EYS: variants seen among roughly 807,000 people sequenced by gnomAD.
EYS encodes EGF-like photoreceptor maintenance factor, also known as protein eyes shut homolog.
A neutral mutation model predicts 282.1 loss-of-function variants in EYS; 250 were observed. That is an observed-to-expected ratio of 0.89 (90% confidence interval 0.80 to 0.98). The LOEUF (loss-of-function observed/expected upper bound fraction) is 0.98, where lower values mean the gene tolerates loss of function less well. Among genes scored for constraint, EYS ranks in the 50% least tolerant of loss-of-function variants. The pLI is 0.00. For synonymous variants in EYS, 1,355 were observed against 1,282.9 expected, an observed-to-expected ratio of 1.06 and a Z score of -1.20; for missense variants, 4,016 against 3,709.0, an observed-to-expected ratio of 1.08 and a Z score of -2.15.
chr6:64,724,478 A>G (rs1166878278), intron 22 of EYS, among the ~76,000 whole-genome samples: 2 of 152,218 alleles, frequency 1.3e-5, no homozygotes, highest in Non-Finnish European at 2.9e-5. Context: ...TTAGCCTAAT[A>G]TGTGTTTGAT....
intron 30 of EYS, among the ~76,000 whole-genome samples, chr6:64,283,382 G>T (rs889489267): frequency 3.3e-5 from 5 of 152,078 alleles, no homozygotes; most frequent in African/African-American, 1.2e-4. Flanking sequence ...TTAGTTTGTA[G>T]CCTGTCTTCT....
chr6:63,977,301 A>C (rs923924171), intron 35 of EYS, among the ~76,000 whole-genome samples: 1 of 152,024 alleles, frequency 6.6e-6, no homozygotes, highest in African/African-American at 2.4e-5. Flanking sequence ...TGTCAAGAAC[A>C]TTCCAAATCT....
chr6:65,384,159 C>A (rs1033721290), intron 8 of EYS, among the ~76,000 whole-genome samples: 1 of 151,750 alleles, frequency 6.6e-6, no homozygotes, highest in Non-Finnish European at 1.5e-5. Flanking sequence ...TAGCTTTATA[C>A]TTACTTTATA....
intron 2 of EYS, among the ~76,000 whole-genome samples, chr6:65,583,477 C>T (rs778446532): frequency 2.0e-5 from 3 of 151,956 alleles, no homozygotes; most frequent in Non-Finnish European, 4.4e-5. Context: ...CAAGTCCGAG[C>T]CGGTATTCCA....
chr6:64,647,353 T>C (rs1319876244), intron 22 of EYS, among the ~76,000 whole-genome samples: 2 of 152,020 alleles, frequency 1.3e-5, no homozygotes, highest in African/African-American at 4.8e-5. Context: ...CACACACACA[T>C]ATTGAGAGAG....
chr6:63,791,147 AG>A (rs1391718982), intron 37 of EYS, among the ~76,000 whole-genome samples: 1 of 152,208 alleles, frequency 6.6e-6, no homozygotes, highest in Non-Finnish European at 1.5e-5. Context: ...TCAGTTTCTG[AG>A]CTCACCCAGA....
intron 11 of EYS, among the ~76,000 whole-genome samples, chr6:65,305,795 T>C (rs1314345943): frequency 6.6e-6 from 1 of 152,214 alleles, no homozygotes; most frequent in South Asian, 2.1e-4. Flanking sequence ...AAAATATGGT[T>C]AATTTTTTAT....
intron 28 of EYS, among the ~76,000 whole-genome samples, chr6:64,423,631 A>G (rs1366659092): frequency 6.6e-6 from 1 of 152,172 alleles, no homozygotes; most frequent in Non-Finnish European, 1.5e-5. Flanking sequence ...AACATGGTGA[A>G]ACCCTGACTC....
At chr6:64,191,293 G>C (rs1582404342) in intron 31 of EYS, among the ~76,000 whole-genome samples, 2 of 151,584 alleles carry the variant, frequency 1.3e-5, no homozygotes, top group East Asian at 1.9e-4. Context: ...TATATACTCA[G>C]CTAAAATAGC....
chr6:65,353,419 G>A, intron 9 of EYS, 39 bp downstream of exon 9: 1 of 1,590,842 alleles, frequency 6.3e-7, no homozygotes, highest in Non-Finnish European at 8.6e-7. Flanking sequence ...ATTTTGAAAT[G>A]ATTCAAGCAG....
At chr6:63,990,617 C>G (rs1266861103) in intron 34 of EYS, among the ~76,000 whole-genome samples, 1 of 151,670 alleles carries the variant, frequency 6.6e-6, no homozygotes, top group Non-Finnish European at 1.5e-5. Flanking sequence ...TCATTCACCA[C>G]AGTCTCTTGT....
At chr6:65,614,919 T>C (rs899456519) in intron 2 of EYS, among the ~76,000 whole-genome samples, 18 of 152,100 alleles carry the variant, frequency 1.2e-4, no homozygotes, top group Non-Finnish European at 2.1e-4. Flanking sequence ...TGTTTGTGTG[T>C]GCATGTATAC....
At chr6:64,679,909 C>A (rs995370126) in intron 22 of EYS, among the ~76,000 whole-genome samples, 4 of 152,094 alleles carry the variant, frequency 2.6e-5, no homozygotes, top group African/African-American at 9.7e-5. Context: ...TCTTAAGTTA[C>A]TTTCTCCCCT....
chr6:64,624,388 C>G (rs1386866715), intron 23 of EYS, among the ~76,000 whole-genome samples: 1 of 152,070 alleles, frequency 6.6e-6, no homozygotes, highest in Non-Finnish European at 1.5e-5. Flanking sequence ...TTAACTGTTT[C>G]TGTAGAATTT....
chr6:64,015,096 T>C (rs956163017), intron 33 of EYS, among the ~76,000 whole-genome samples: 2 of 152,146 alleles, frequency 1.3e-5, no homozygotes, highest in Non-Finnish European at 2.9e-5. Flanking sequence ...CACTTTCAAT[T>C]TAAAGATTGA....
At chr6:64,546,790 C>T (rs1416218579) in intron 26 of EYS, among the ~76,000 whole-genome samples, 2 of 152,118 alleles carry the variant, frequency 1.3e-5, no homozygotes, top group Non-Finnish European at 2.9e-5. Context: ...CATCACTGGC[C>T]ATCAGAGAAA....
intron 20 of EYS, 31 bp from the exon 21 acceptor site, chr6:64,821,754 A>T: frequency 8.0e-7 from 1 of 1,246,330 alleles, no homozygotes; most frequent in Non-Finnish European, 1.1e-6. Flanking sequence ...TACATTTTCA[A>T]ATAAGTAGAT....
At chr6:64,380,866 G>T (rs6933738) in intron 29 of EYS, among the ~76,000 whole-genome samples, 108,845 of 151,670 alleles carry the variant, frequency 0.72, 39,250 homozygotes, top group African/African-American at 0.79. Context: ...AATACAAAAA[G>T]CAGCCAGGAG....
intron 2 of EYS, among the ~76,000 whole-genome samples, chr6:65,628,073 C>T (rs1386284130): frequency 6.6e-6 from 1 of 152,176 alleles, no homozygotes; most frequent in South Asian, 2.1e-4. Context: ...CAATCAGCAC[C>T]GTGTGTCTAG....
Sources: allele counts gnomAD v4.1 joint callset (sites outside exome capture counted in the v4.1 genomes callset), GRCh38; gene constraint gnomAD v4.1.1; transcripts MANE v1.5; gene names NCBI Gene and HGNC (gene_info 2026-07-23, HGNC 2026-07-21).